ANKRD31: variants seen among roughly 807,000 people sequenced by gnomAD.
ANKRD31 encodes ankyrin repeat domain-containing protein 31.
Under a neutral mutation model 186.0 loss-of-function variants are expected in ANKRD31, and 147 were observed. That is an observed-to-expected ratio of 0.79 (90% CI 0.69 to 0.91). The LOEUF is 0.91. Ranked by LOEUF, ANKRD31 falls within the 40% of genes least tolerant of loss-of-function variation. The pLI is 0.00. For synonymous variants in ANKRD31, 673 were observed against 736.4 expected, an observed-to-expected ratio of 0.91 and a Z score of 1.39; for missense variants, 1,986 against 2,148.8, an observed-to-expected ratio of 0.92 and a Z score of 1.50.
At chr5:75,154,973 T>C (rs1035356645) in intron 11 of ANKRD31, among the ~76,000 whole-genome samples, 4 of 152,218 alleles carry the variant, frequency 2.6e-5, no homozygotes, top group Admixed American at 2.6e-4. Flanking sequence ...GACTTCTCCT[T>C]CTTTTCACAC....
chr5:75,112,765 T>G (rs909559845), intron 19 of ANKRD31, among the ~76,000 whole-genome samples, 165 bp from the exon 20 acceptor site: 2 of 152,238 alleles, frequency 1.3e-5, no homozygotes, highest in Non-Finnish European at 2.9e-5. Context: ...AGCTTAACTG[T>G]ATAAATGTTG....
intron 3 of ANKRD31, among the ~76,000 whole-genome samples, chr5:75,220,970 C>T (rs1472873646): frequency 2.0e-5 from 3 of 152,008 alleles, no homozygotes; most frequent in Non-Finnish European, 4.4e-5. Flanking sequence ...CATGGTGGCA[C>T]GTGGTGGAAT....
At chr5:75,164,398 G>T (rs114480221) in intron 11 of ANKRD31, among the ~76,000 whole-genome samples, 3,968 of 152,278 alleles carry the variant, frequency 0.026, 159 homozygotes, top group African/African-American at 0.09. Context: ...GGTAGCAACA[G>T]ATAACTAATA....
At chr5:75,148,743 C>T (rs568610389) in intron 12 of ANKRD31, 115 bp from the exon 13 acceptor site, 2 of 630,726 alleles carry the variant, frequency 3.2e-6, no homozygotes, top group African/African-American at 1.9e-5. Context: ...TGAAATTATG[C>T]AAACATTTTA....
intron 6 of ANKRD31, 49 bp downstream of exon 6, chr5:75,199,582 A>C (rs1023522956): frequency 1.4e-6 from 2 of 1,422,336 alleles, no homozygotes; most frequent in Admixed American, 4.6e-5. Context: ...ATTTTTTAAA[A>C]AATCTAAACT....
intron 1 of ANKRD31, among the ~76,000 whole-genome samples, chr5:75,235,296 A>G (rs1227178091): frequency 2.4e-5 from 3 of 123,180 alleles, no homozygotes; most frequent in African/African-American, 9.6e-5. Context: ...CCCAGGCTGG[A>G]GTGCAGTGGA....
At chr5:75,181,629 C>T (rs1039330112) in intron 10 of ANKRD31, among the ~76,000 whole-genome samples, 1 of 149,580 alleles carries the variant, frequency 6.7e-6, no homozygotes, top group Non-Finnish European at 1.5e-5. Flanking sequence ...CAAACTATCG[C>T]AAGGACAAAA....
At chr5:75,174,435 C>A (rs1248053777) in intron 10 of ANKRD31, among the ~76,000 whole-genome samples, 3 of 151,080 alleles carry the variant, frequency 2.0e-5, no homozygotes, top group African/African-American at 7.4e-5. Flanking sequence ...TCAGAGTGAA[C>A]AGTGAACAGG....
chr5:75,165,806 A>G (rs1752880802), intron 11 of ANKRD31, among the ~76,000 whole-genome samples: 1 of 152,216 alleles, frequency 6.6e-6, no homozygotes, highest in South Asian at 2.1e-4. Flanking sequence ...TAAAATATAG[A>G]AAGGACTGTT....
chr5:75,138,076 T>C, intron 16 of ANKRD31, 78 bp from the exon 17 acceptor site: 1 of 1,264,916 alleles, frequency 7.9e-7, no homozygotes, highest in Non-Finnish European at 1.0e-6. Flanking sequence ...TACTAAGGTT[T>C]TGTTGCATTA....
intron 10 of ANKRD31, among the ~76,000 whole-genome samples, chr5:75,182,971 C>T (rs1272840893): frequency 1.3e-5 from 2 of 152,020 alleles, no homozygotes; most frequent in East Asian, 1.9e-4. Context: ...AAAAATGAAT[C>T]CCCAATACCC....
chr5:75,229,016 AT>A (rs1029437433), intron 2 of ANKRD31, among the ~76,000 whole-genome samples: 145 of 146,330 alleles, frequency 9.9e-4, no homozygotes, highest in African/African-American at 3.2e-3. Context: ...GTGTTTAGGA[AT>A]TTTTTTTTCT....
At chr5:75,174,658 T>C (rs1036208017) in intron 10 of ANKRD31, among the ~76,000 whole-genome samples, 10 of 152,164 alleles carry the variant, frequency 6.6e-5, no homozygotes, top group African/African-American at 2.4e-4. Flanking sequence ...ATCAGAGAAA[T>C]GCAAATCAAA....
At chr5:75,136,795 A>T (rs569270078) in intron 17 of ANKRD31, among the ~76,000 whole-genome samples, 1 of 152,228 alleles carries the variant, frequency 6.6e-6, no homozygotes, top group Non-Finnish European at 1.5e-5. Context: ...GTGGATTAAG[A>T]AAAGGTGGCA....
intron 2 of ANKRD31, among the ~76,000 whole-genome samples, chr5:75,229,864 C>CAAAAAAAAAAAAAA (rs1210080751): frequency 7.9e-5 from 3 of 37,856 alleles, no homozygotes; most frequent in African/African-American, 3.4e-4. Context: ...GACTCTGTCT[C>CAAAAAAAAAAAAAA]AAAAAAAAAA....
intron 1 of ANKRD31, among the ~76,000 whole-genome samples, chr5:75,233,111 G>A (rs1181116049): frequency 6.6e-6 from 1 of 150,460 alleles, no homozygotes; most frequent in Non-Finnish European, 1.5e-5. Context: ...TGTCCAGGCT[G>A]GAGTGCAGTG....
At chr5:75,201,458 C>G (rs1324537304) in intron 5 of ANKRD31, among the ~76,000 whole-genome samples, 1 of 152,070 alleles carries the variant, frequency 6.6e-6, no homozygotes, top group African/African-American at 2.4e-5. Flanking sequence ...TCTTCAACTA[C>G]CTTTGGAAGG....
At chr5:75,103,102 T>TGTA (rs1184634722) in intron 22 of ANKRD31, among the ~76,000 whole-genome samples, 14 of 152,134 alleles carry the variant, frequency 9.2e-5, no homozygotes, top group Admixed American at 9.2e-4. Flanking sequence ...TTGTATAAGG[T>TGTA]GTAAGGAAGG....
chr5:75,143,593 G>A (rs57128332), intron 15 of ANKRD31, among the ~76,000 whole-genome samples: 5,559 of 152,166 alleles, frequency 0.037, 189 homozygotes, highest in African/African-American at 0.088. Flanking sequence ...TAGCTTGTCC[G>A]TACTGTGAAA....
Sources: allele counts gnomAD v4.1 joint callset (sites outside exome capture counted in the v4.1 genomes callset), GRCh38; gene constraint gnomAD v4.1.1; transcripts MANE v1.5; gene names NCBI Gene and HGNC (gene_info 2026-07-23, HGNC 2026-07-21).